Variants in ATXN1 observed in about 807,000 individuals in gnomAD.
ATXN1 encodes ataxin-1.
A neutral mutation model predicts 56.4 loss-of-function variants in ATXN1; 8 were observed. The ratio of observed to expected loss-of-function variants is 0.14; its 90% CI spans 0.08 to 0.26. The LOEUF is 0.26. Ranked by LOEUF, ATXN1 falls within the 10% of genes least tolerant of loss-of-function variation. The probability of loss-of-function intolerance (pLI) is 1.00; values close to 1 mark genes in which losing one functional copy is unlikely to be tolerated. For missense variants in ATXN1, 987 were observed against 1,106.5 expected, an observed-to-expected ratio of 0.89 and a Z score of 1.53; for synonymous variants, 514 against 494.6, an observed-to-expected ratio of 1.04 and a Z score of -0.52.
At chr6:16,404,854 C>T (rs529489501) in intron 6 of ATXN1, among the ~76,000 whole-genome samples, 6 of 152,304 alleles carry the variant, frequency 3.9e-5, no homozygotes, top group African/African-American at 1.2e-4. Flanking sequence ...GTCCCACCCC[C>T]ACCTCACACC....
intron 4 of ATXN1, among the ~76,000 whole-genome samples, chr6:16,532,608 G>T (rs188701174): frequency 7.9e-5 from 12 of 152,188 alleles, no homozygotes; most frequent in African/African-American, 2.9e-4. Flanking sequence ...TTAAGCACAC[G>T]AAAAGACACT....
Position 16,313,931 on chromosome 6 carries a change from T to C in ATXN1, c.1918-7072A>G, listed in dbSNP as rs140699518. Among the ~76,000 whole-genome samples, 492 of 152,308 alleles carry C rather than the reference T, an allele frequency of 3.2e-3. 8 individuals carry two copies. The highest frequency in any genetic ancestry group is 0.011 in the African/African-American group (459 of 41,572). ...TTCTTCTTTAATCACTTCAAAGGCT[T>C]CTCTTTGTTTCTTTTTGCCTAAATT... is the stretch of plus-strand genomic sequence containing the variant. On this transcript the variant is annotated intron_variant, in intron 7 of 7. Transcript: ENST00000436367.
chr6:16,338,065 A>G (rs966448843), intron 6 of ATXN1, among the ~76,000 whole-genome samples: 10 of 152,240 alleles, frequency 6.6e-5, no homozygotes, highest in Admixed American at 3.3e-4. Context: ...CAATGATGAT[A>G]ATAGATCAAT....
At chr6:16,696,303 G>A (rs1759164202) in intron 2 of ATXN1, among the ~76,000 whole-genome samples, 1 of 152,206 alleles carries the variant, frequency 6.6e-6, no homozygotes, top group Admixed American at 6.5e-5. Flanking sequence ...CAAGTAGATA[G>A]GACAGAGGCT....
At chr6:16,330,556 A>C (rs1477199695) in intron 6 of ATXN1, among the ~76,000 whole-genome samples, 1 of 151,308 alleles carries the variant, frequency 6.6e-6, no homozygotes, top group Non-Finnish European at 1.5e-5. Context: ...CACCCGGCTA[A>C]TTTTTGTACT....
chr6:16,341,076 A>G (rs889568454), intron 6 of ATXN1, among the ~76,000 whole-genome samples: 3 of 152,240 alleles, frequency 2.0e-5, no homozygotes, highest in Non-Finnish European at 1.5e-5. Context: ...AAATTGACTT[A>G]CTAGAAATCT....
intron 2 of ATXN1, among the ~76,000 whole-genome samples, chr6:16,730,179 T>C (rs1361445753): frequency 6.6e-6 from 1 of 152,150 alleles, no homozygotes; most frequent in Admixed American, 6.5e-5. Flanking sequence ...CTCAGGAGGC[T>C]GGGGCAGGAG....
chr6:16,756,890 T>C (rs1221471689), intron 1 of ATXN1, among the ~76,000 whole-genome samples: 1 of 152,218 alleles, frequency 6.6e-6, no homozygotes, highest in Non-Finnish European at 1.5e-5. Flanking sequence ...GTGTTAGTCA[T>C]CAGAAACTGT....
At chr6:16,597,214 T>C (rs977455711) in intron 3 of ATXN1, among the ~76,000 whole-genome samples, 5 of 152,332 alleles carry the variant, frequency 3.3e-5, no homozygotes, top group Middle Eastern at 3.4e-3. Context: ...GAGAATTCCT[T>C]TGGGCTTTGT....
chr6:16,361,603 G>C (rs987567733), intron 6 of ATXN1, among the ~76,000 whole-genome samples: 1 of 152,098 alleles, frequency 6.6e-6, no homozygotes, highest in African/African-American at 2.4e-5. Context: ...GTAGCATTTC[G>C]AGTATAAACA....
At chr6:16,623,502 A>G (rs1376377317) in intron 3 of ATXN1, among the ~76,000 whole-genome samples, 1 of 152,202 alleles carries the variant, frequency 6.6e-6, no homozygotes, top group Non-Finnish European at 1.5e-5. Context: ...TTTCTAGCCA[A>G]CTCATCACAA....
At chr6:16,685,068 C>T (rs1039488525) in intron 2 of ATXN1, among the ~76,000 whole-genome samples, 1 of 152,072 alleles carries the variant, frequency 6.6e-6, no homozygotes, top group African/African-American at 2.4e-5. Context: ...TACACACACA[C>T]CCTCCCACTT....
chr6:16,719,571 T>G (rs185684816), intron 2 of ATXN1, among the ~76,000 whole-genome samples: 3 of 152,192 alleles, frequency 2.0e-5, no homozygotes, highest in African/African-American at 7.2e-5. Flanking sequence ...GAAACAAGAA[T>G]AAGAAGATAA....
intron 2 of ATXN1, among the ~76,000 whole-genome samples, chr6:16,680,717 A>G (rs1758795874): frequency 6.6e-6 from 1 of 152,356 alleles, no homozygotes; most frequent in Non-Finnish European, 1.5e-5. Context: ...TATTGGCCAC[A>G]TAATTCTTAA....
intron 6 of ATXN1, among the ~76,000 whole-genome samples, chr6:16,442,787 G>C: frequency 6.6e-6 from 1 of 152,134 alleles, no homozygotes; most frequent in African/African-American, 2.4e-5. Flanking sequence ...CAAGGCGGGT[G>C]GATCACTTGA....
intron 2 of ATXN1, among the ~76,000 whole-genome samples, chr6:16,688,181 A>T (rs1365417208): frequency 1.3e-5 from 2 of 152,230 alleles, no homozygotes; most frequent in Non-Finnish European, 2.9e-5. Flanking sequence ...ACAGTAAAAC[A>T]ATATTGATGA....
At chr6:16,413,492 G>A (rs1161457940) in intron 6 of ATXN1, among the ~76,000 whole-genome samples, 1 of 152,098 alleles carries the variant, frequency 6.6e-6, no homozygotes, top group Non-Finnish European at 1.5e-5. Flanking sequence ...TGTAATACAG[G>A]AACCCAATCA....
chr6:16,708,758 T>C (rs1240348551), intron 2 of ATXN1, among the ~76,000 whole-genome samples: 1 of 151,918 alleles, frequency 6.6e-6, no homozygotes, highest in Non-Finnish European at 1.5e-5. Flanking sequence ...AGGCACGGTG[T>C]CTCATGCCTA....
At chr6:16,376,924 G>A (rs527983239) in intron 6 of ATXN1, among the ~76,000 whole-genome samples, 2 of 152,300 alleles carry the variant, frequency 1.3e-5, no homozygotes, top group South Asian at 4.2e-4. Context: ...TTCTTGAAAG[G>A]TAAGGAGTAT....
Sources: gnomAD v4.1 joint callset for allele counts (sites outside exome capture counted in the v4.1 genomes callset) on GRCh38, gnomAD v4.1.1 for gene constraint, MANE v1.5 for transcripts, NCBI Gene and HGNC (gene_info 2026-07-23, HGNC 2026-07-21) for gene names.